Variants in INA observed in about 807,000 individuals in gnomAD.
INA encodes internexin neuronal intermediate filament protein alpha.
A neutral mutation model predicts 40.1 loss-of-function variants in INA; 35 were observed. The ratio of observed to expected loss-of-function variants is 0.87; its 90% CI spans 0.67 to 1.16. INA has a LOEUF of 1.16. INA is among the 50% of genes most tolerant of loss of function. INA has a pLI of 0.00. For missense variants in INA, 594 were observed against 686.7 expected (o/e 0.87, Z 1.51); for synonymous variants, 290 against 316.9 (o/e 0.92, Z 0.90).
chr10:103,280,238 G>T, intron 1 of INA: 1 of 985,436 alleles, frequency 1.0e-6, no homozygotes, highest in Non-Finnish European at 1.2e-6. Flanking sequence ...ATCAGCTTGA[G>T]CCTTTAGAGC....
chr10:103,288,401 GGTTAA>G lies in INA; in HGVS notation c.1234_1238del (p.Leu412HisfsTer17), dbSNP rs1399385954. The G allele has an allele frequency of 6.2e-7, 1 of 1,612,020 alleles. No homozygotes were observed. ...GAGGAGACACGTTTTAGCACCAGTG[GGTTAA>G]GCATTTCGGGGCTGAATCCACTTCC... is the stretch of plus-strand genomic sequence containing the variant. On this transcript the variant is annotated frameshift_variant, in exon 3 of 3. Coordinates refer to ENST00000369849, the MANE Select transcript of INA (RefSeq NM_032727.4). LOFTEE classifies it high-confidence loss of function.
At chr10:103,280,344 T>C (rs112701330) in intron 1 of INA, 10,386 of 985,348 alleles carry the variant, frequency 0.011, 165 homozygotes, top group South Asian at 0.071. Context: ...GGAGCTCAAG[T>C]CTTACCTGCA....
chr10:103,284,213 T>G (rs936455253), intron 1 of INA, among the ~76,000 whole-genome samples: 1 of 151,810 alleles, frequency 6.6e-6, no homozygotes, highest in Non-Finnish European at 1.5e-5. Flanking sequence ...GCTCGAGCAA[T>G]TCTCTCAGCT....
In INA at chr10:103,289,523, T is replaced by C. The variant is rs1375292077; in HGVS notation, c.*854T>C. 6.6e-6 allele frequency: 1 copy of C among 152,670 alleles called. No homozygotes were observed. Among genetic ancestry groups the C allele is most frequent in the Non-Finnish European group, 1.5e-5 (1 of 68,052 alleles). 9.5% of individuals were successfully genotyped at this position (152,670 alleles called of 1,614,324 possible). A position where few individuals can be genotyped will look rare whatever the true frequency, so the allele number is the denominator to read the frequency against. ...TATTAAGGATGTAGCTTTTCACCTT[T>C]ACTTTAGAAGCACAGTAAATATCCC... is the stretch of plus-strand genomic sequence containing the variant. On this transcript the variant is annotated 3_prime_UTR_variant, in exon 3 of 3. Transcript: ENST00000369849.
At chr10:103,280,976 C>T (rs909516448) in intron 1 of INA, 13 of 949,366 alleles carry the variant, frequency 1.4e-5, no homozygotes, top group African/African-American at 5.3e-5. Context: ...TGAAGCTTTC[C>T]TTGAAAGACC....
At chr10:103,282,700 G>C (rs2093075224) in intron 1 of INA, among the ~76,000 whole-genome samples, 1 of 151,976 alleles carries the variant, frequency 6.6e-6, no homozygotes, top group Admixed American at 6.6e-5. Context: ...ATTGTGAGTG[G>C]TATAAGCCAC....
Position 103,278,238 on chromosome 10 carries a change from C to G in INA, c.1027C>G (p.Leu343Val), listed in dbSNP as rs2093065037. The G allele has an allele frequency of 3.8e-6, 6 of 1,584,456 alleles. No homozygotes were observed. Among genetic ancestry groups the G allele is most frequent in the Non-Finnish European group, 5.1e-6 (6 of 1,166,626 alleles). ...GTCCTTGGAGAGGCAGATCCTGGAG[C>G]TGGAGGAGCGGCACAGTGCCGAGGT... The part of the protein sequence containing the change: ...NESLERQILE[L>V]EERHSAEVAG... Residue 343 changes from leucine to valine, a missense_variant, in exon 1 of 3, where the codon CTG becomes GTG. Physicochemically the swap from Leu to Val is conservative, Grantham distance 32. Around this residue, in one of 2 missense-constraint regions of INA, gnomAD observed 379 missense variants for 496.1 expected, o/e 0.76. Transcript: ENST00000369849. The surrounding 1 kb of genome is among the most constrained non-coding windows in gnomAD (Gnocchi z 4.9).
In INA at chr10:103,277,946, G is replaced by GT. The variant is rs1400845739; in HGVS notation, c.736dup (p.Ser246PhefsTer13). 6 of 1,558,014 alleles carry GT rather than the reference G, an allele frequency of 3.9e-6. No individual in the cohort carries two copies. Among genetic ancestry groups the GT allele is most frequent in the African/African-American group, 1.4e-5 (1 of 73,362 alleles). On this transcript the variant is annotated frameshift_variant, in exon 1 of 3. Coordinates refer to ENST00000369849, the MANE Select transcript of INA (RefSeq NM_032727.4). LOFTEE classifies it high-confidence loss of function. This position sits in a 1 kb window ranked among gnomAD's most constrained non-coding sequence, Gnocchi z 5.6. ...AGCTGCTGGCCACGCTGCAGGCGTCGTCGCAGGCCGCGGCCGAGGTGGACG... is the reference window on the plus strand; with the variant it reads ...AGCTGCTGGCCACGCTGCAGGCGTCGTTCGCAGGCCGCGGCCGAGGTGGACG...
Position 103,287,044 on chromosome 10 carries a change from G to A in INA, c.1075G>A (p.Gly359Arg). ...ATATGTTACTTTTCAGGATAGCATT[G>A]GGCAGCTGGAGAATGATCTGAGGAA... ...AEVAGYQDSI[G>R]QLENDLRNTK... is the part of the protein sequence containing the mutation. The change falls in exon 2 of 3, where the codon GGG becomes AGG. Residue 359 changes from glycine (G) to arginine (R), a missense_variant. Physicochemically the swap from Gly to Arg is moderately radical, Grantham distance 125. This residue lies in a region of INA where 379 missense variants were observed against 496.1 expected (regional missense o/e 0.76). Transcript: ENST00000369849. 3.1e-6 allele frequency: 5 copies of A among 1,613,770 alleles called. No individual in the cohort carries two copies. Among genetic ancestry groups the A allele is most frequent in the Non-Finnish European group, 4.2e-6 (5 of 1,179,852 alleles).
intron 1 of INA, among the ~76,000 whole-genome samples, chr10:103,286,706 A>AT (rs1223733486): frequency 6.6e-6 from 1 of 152,108 alleles, no homozygotes; most frequent in African/African-American, 2.4e-5. Flanking sequence ...AAAAAAAAAA[A>AT]AATCATCTCC....
At chr10:103,280,829 T>C in intron 1 of INA, 1 of 985,460 alleles carries the variant, frequency 1.0e-6, no homozygotes, top group Non-Finnish European at 1.2e-6. Context: ...GGGTTTCCAT[T>C]TCTGACATAG....
At chr10:103,284,206 C>T (rs1175049922) in intron 1 of INA, among the ~76,000 whole-genome samples, 1 of 151,716 alleles carries the variant, frequency 6.6e-6, no homozygotes, top group African/African-American at 2.4e-5. Flanking sequence ...CTACCGGGCT[C>T]GAGCAATTCT....
chr10:103,284,260 G>C (rs920540168), intron 1 of INA, among the ~76,000 whole-genome samples: 5 of 152,204 alleles, frequency 3.3e-5, no homozygotes, highest in South Asian at 2.1e-4. Flanking sequence ...GCTACCCAAA[G>C]TGCTGGGATG....
rs1214641713 is a variant in INA, at chr10:103,289,336, GT to G, written c.*668del. ...CATGTTGACCATGTCTATGATTCGT[GT>G]AATTACTTATCCCTGCCCATTTCAT... On this transcript the variant is annotated 3_prime_UTR_variant, in exon 3 of 3. Transcript: ENST00000369849. 2 of 152,614 alleles carry G rather than the reference GT, an allele frequency of 1.3e-5. No individual in the cohort carries two copies. Among genetic ancestry groups the G allele is most frequent in the African/African-American group, 4.8e-5 (2 of 41,448 alleles). 9.5% of individuals were successfully genotyped at this position (152,614 alleles called of 1,614,324 possible).
rs1564716485 is a variant in INA, at chr10:103,289,217, T to G, written c.*548T>G. Reference sequence around the variant, plus strand: ...TTTCTTCTATGTAGGAAAAAAATAGTCTAGTGTAGTATTCTTCCCTTTTAA... The same window carrying G: ...TTTCTTCTATGTAGGAAAAAAATAGGCTAGTGTAGTATTCTTCCCTTTTAA... On this transcript the variant is annotated 3_prime_UTR_variant, in exon 3 of 3. Transcript: ENST00000369849. The G allele has an allele frequency of 6.5e-6, 1 of 152,876 alleles. No individual in the cohort carries two copies. Among genetic ancestry groups the G allele is most frequent in the Non-Finnish European group, 1.5e-5 (1 of 68,254 alleles). 9.5% of individuals were successfully genotyped at this position (152,876 alleles called of 1,614,324 possible).
chr10:103,286,246 G>T (rs1470023191), intron 1 of INA, among the ~76,000 whole-genome samples: 1 of 144,628 alleles, frequency 6.9e-6, no homozygotes, highest in African/African-American at 2.6e-5. Context: ...GAGACAGGAA[G>T]ATCGCTTGAG....
At position 103,287,099 on chromosome 10, in the gene INA, G is replaced by A. The variant is rs773871943; in HGVS notation, c.1130G>A (p.Arg377Gln). 8 of 1,613,738 alleles carry A rather than the reference G, an allele frequency of 5.0e-6. No individual in the cohort carries two copies. The highest frequency in any genetic ancestry group is 1.7e-5 in the Admixed American group (1 of 59,982). Residue 377 changes from arginine to glutamine, a missense_variant, in exon 2 of 3, where the codon CGG (arginine) becomes CAG (glutamine). By Grantham distance (43) the Arg-to-Gln change is conservative (BLOSUM62 1). Transcript: ENST00000369849. Reference sequence around the variant, plus strand: ...AAGAGTGAGATGGCACGCCACCTTCGGGAATACCAGGACTTGCTCAATGTC... The same window carrying A: ...AAGAGTGAGATGGCACGCCACCTTCAGGAATACCAGGACTTGCTCAATGTC... ...NTKSEMARHL[R>Q]EYQDLLNVKM...
Position 103,277,438 on chromosome 10 carries a change from A to G in INA, c.227A>G (p.Asp76Gly). ...YRRPPASDGLDLSQAAARTNE... is the reference protein window; with the variant it reads ...YRRPPASDGLGLSQAAARTNE... The stretch of plus-strand genomic sequence containing the variant: ...CGGCCGCCGGCGTCCGACGGGCTGG[A>G]CCTGAGCCAGGCGGCGGCGCGCACC... Residue 76 changes from aspartate (D) to glycine (G), a missense_variant, in exon 1 of 3, where the codon GAC becomes GGC. This residue lies in a region of INA where 215 missense variants were observed against 190.6 expected (regional missense o/e 1.13). Coordinates refer to ENST00000369849, the MANE Select transcript of INA (RefSeq NM_032727.4). The surrounding 1 kb of genome is among the most constrained non-coding windows in gnomAD (Gnocchi z 5.6). 6.4e-7 allele frequency: 1 copy of G among 1,572,120 alleles called. No individual in the cohort carries two copies. Among genetic ancestry groups the G allele is most frequent in the South Asian group, 1.1e-5 (1 of 87,224 alleles).
In INA at chr10:103,278,272, A is replaced by G; in HGVS notation, c.1061A>G (p.Tyr354Cys). 1 of 1,550,350 alleles carries G rather than the reference A, an allele frequency of 6.5e-7. No individual in the cohort carries two copies. Among genetic ancestry groups the G allele is most frequent in the East Asian group, 2.4e-5 (1 of 41,456 alleles). Residue 354 changes from tyrosine to cysteine, a missense_variant, in exon 1 of 3, where the codon TAC becomes TGC. Tyr to Cys is a radical substitution (Grantham distance 194, BLOSUM62 -2). Around this residue, in one of 2 missense-constraint regions of INA, gnomAD observed 379 missense variants for 496.1 expected, o/e 0.76. Transcript: ENST00000369849. The surrounding 1 kb of genome is among the most constrained non-coding windows in gnomAD (Gnocchi z 4.9). ...EERHSAEVAG[Y>C]QDSIGQLEND... ...CGGCACAGTGCCGAGGTAGCTGGCTACCAGGTAAGGGCCGGGGCTGGGCGT... is the reference window on the plus strand; with the variant it reads ...CGGCACAGTGCCGAGGTAGCTGGCTGCCAGGTAAGGGCCGGGGCTGGGCGT...
Sources: allele counts gnomAD v4.1 joint callset (sites outside exome capture counted in the v4.1 genomes callset), GRCh38; gene constraint gnomAD v4.1.1; regional missense constraint gnomAD v4.1.1; non-coding constraint Gnocchi (gnomAD v3.1); transcripts MANE v1.5; gene names NCBI Gene and HGNC (gene_info 2026-07-23, HGNC 2026-07-21).